Variants in WDR64 observed in about 807,000 individuals in gnomAD.
WDR64 encodes the protein WD repeat-containing protein 64.
In WDR64, 112 loss-of-function variants were observed where a neutral mutation model predicts 139.3. The observed-to-expected ratio is 0.80, with a 90% confidence interval of 0.69 to 0.94. The LOEUF is 0.94. Ranked by LOEUF, WDR64 falls within the 40% of genes least tolerant of loss-of-function variation. WDR64 has a pLI of 0.00. For missense variants in WDR64, 1,206 were observed against 1,293.1 expected (o/e 0.93, Z 1.03); for synonymous variants, 444 against 437.7 (o/e 1.01, Z -0.18).
intron 8 of WDR64, among the ~76,000 whole-genome samples, chr1:241,705,728 C>G (rs1465400454): frequency 2.0e-5 from 3 of 152,058 alleles, no homozygotes; most frequent in Non-Finnish European, 4.4e-5. Context: ...GCTGCAGATA[C>G]AGATGTGTGC....
chr1:241,690,427 C>T (rs989209511), intron 8 of WDR64, among the ~76,000 whole-genome samples: 4 of 151,760 alleles, frequency 2.6e-5, no homozygotes, highest in Non-Finnish European at 4.4e-5. Context: ...GCCGAGATCA[C>T]ACCACTGCAC....
At position 241,751,859 on chromosome 1, in the gene WDR64, C is replaced by G. The variant is rs76431572; in HGVS notation, c.1770+2137C>G. Among the ~76,000 whole-genome samples the G allele has an allele frequency of 1.4e-3, 212 of 152,270 alleles. 5 individuals are homozygous for G. In the East Asian group the frequency reaches 0.029, roughly 21 times the overall value. On this transcript the variant is annotated intron_variant, in intron 14 of 27. Transcript: ENST00000437684. ...AGAAAACAACAATTCTTCTCATAAT[C>G]TCAGTTTTAAGGGGATAGAATTGCA...
chr1:241,674,157 A>G (rs773855788), intron 3 of WDR64, among the ~76,000 whole-genome samples: 2 of 152,152 alleles, frequency 1.3e-5, no homozygotes, highest in African/African-American at 2.4e-5. Flanking sequence ...GAGGATCATT[A>G]AAACACAATG....
chr1:241,664,174 C>G (rs750814902), intron 2 of WDR64, among the ~76,000 whole-genome samples: 7 of 152,160 alleles, frequency 4.6e-5, no homozygotes, highest in Non-Finnish European at 1.0e-4. Context: ...GTAAACCCTG[C>G]GGATATTCCC....
chr1:241,756,160 C>A (rs1390797859), intron 14 of WDR64, among the ~76,000 whole-genome samples: 4 of 152,066 alleles, frequency 2.6e-5, no homozygotes, highest in South Asian at 2.1e-4. Context: ...GTTAGTATGG[C>A]CATTTTCACG....
At chr1:241,701,192 A>G (rs1004938142) in intron 8 of WDR64, among the ~76,000 whole-genome samples, 4 of 152,234 alleles carry the variant, frequency 2.6e-5, no homozygotes, top group Admixed American at 2.0e-4. Flanking sequence ...TCAAGAGCAA[A>G]GTTGAGTTAC....
intron 20 of WDR64, among the ~76,000 whole-genome samples, chr1:241,774,038 G>T (rs1658559789): frequency 6.6e-6 from 1 of 152,120 alleles, no homozygotes; most frequent in Non-Finnish European, 1.5e-5. Context: ...TTTACCAGAA[G>T]ATTTAAAATG....
rs141018853 is a variant in WDR64, at chr1:241,796,814, A to C, written c.3192+444A>C. On this transcript the variant is annotated intron_variant, in intron 27 of 27. Transcript: ENST00000437684. ...CGGCCTCAGTTCATATTTTTTATGA[A>C]TATTCCAGATGTGTGTGTTTTAGCT... 1.5e-3 allele frequency among the ~76,000 whole-genome samples: 233 copies of C among 152,316 alleles called. 1 individual carries two copies. Among genetic ancestry groups the C allele is most frequent in the African/African-American group, 4.6e-3 (191 of 41,580 alleles).
intron 11 of WDR64, among the ~76,000 whole-genome samples, chr1:241,738,844 T>C (rs1232158636): frequency 6.6e-6 from 1 of 152,226 alleles, no homozygotes; most frequent in Non-Finnish European, 1.5e-5. Context: ...TTCTTGGACC[T>C]AGGAAGAAAT....
At chr1:241,653,951 T>G (rs1335963341) in intron 1 of WDR64, among the ~76,000 whole-genome samples, 1 of 152,172 alleles carries the variant, frequency 6.6e-6, no homozygotes, top group African/African-American at 2.4e-5. Flanking sequence ...CAACAAAACT[T>G]GCATTTTTTC....
At chr1:241,709,031 A>T (rs1668068774) in intron 8 of WDR64, among the ~76,000 whole-genome samples, 2 of 152,192 alleles carry the variant, frequency 1.3e-5, no homozygotes, top group Non-Finnish European at 2.9e-5. Flanking sequence ...AAAGCTACAT[A>T]TGACCCATGG....
intron 8 of WDR64, among the ~76,000 whole-genome samples, chr1:241,690,813 G>A (rs1397687997): frequency 6.6e-6 from 1 of 152,060 alleles, no homozygotes; most frequent in Non-Finnish European, 1.5e-5. Context: ...AACAGCATCA[G>A]AGGAAGAAAA....
chr1:241,747,863 A>C (rs1001645158), intron 13 of WDR64, among the ~76,000 whole-genome samples: 22 of 152,192 alleles, frequency 1.4e-4, no homozygotes, highest in Non-Finnish European at 5.9e-5. Flanking sequence ...ATGAGAAGGA[A>C]ATTGGGCTGG....
At chr1:241,700,936 C>T (rs1667686785) in intron 8 of WDR64, among the ~76,000 whole-genome samples, 1 of 152,074 alleles carries the variant, frequency 6.6e-6, no homozygotes, top group East Asian at 1.9e-4. Context: ...TAATAAATAC[C>T]CCAACACCAG....
chr1:241,735,334 T>C (rs7541746), intron 10 of WDR64, among the ~76,000 whole-genome samples: 1,519 of 93,072 alleles, frequency 0.016, 28 homozygotes, highest in African/African-American at 0.058. Context: ...TTCTACACTT[T>C]GTGTCTTTGT....
intron 8 of WDR64, among the ~76,000 whole-genome samples, chr1:241,710,721 T>C (rs1288286927): frequency 1.3e-5 from 2 of 151,728 alleles, no homozygotes; most frequent in African/African-American, 4.8e-5. Flanking sequence ...ATAGCTGGAG[T>C]AGAATCCAGC....
At position 241,729,019 on chromosome 1, in the gene WDR64, T is replaced by C. The variant is rs548530103; in HGVS notation, c.1194+5583T>C. Among the ~76,000 whole-genome samples, 23 of 152,330 alleles carry C rather than the reference T, an allele frequency of 1.5e-4. No homozygotes were observed. In the South Asian group the frequency reaches 4.8e-3, roughly 32 times the overall value. On this transcript the variant is annotated intron_variant, in intron 10 of 27. Transcript: ENST00000437684. ...AGTTATCTTTAAAAAAAATTCTGCC[T>C]ACCTAAAACTGAATTTATTTTCTAC...
In WDR64 at chr1:241,741,663, G is replaced by C. The variant is rs745488326; in HGVS notation, c.1469G>C (p.Arg490Thr). 9.4e-6 allele frequency: 15 copies of C among 1,598,034 alleles called. No individual in the cohort carries two copies. In the South Asian group the frequency reaches 1.7e-4, roughly 18 times the overall value. Residue 490 changes from arginine (R) to threonine (T), a missense_variant and splice_region_variant, in exon 12 of 28, where the codon AGG becomes ACG. Physicochemically the swap from Arg to Thr is moderately conservative, Grantham distance 71. Coordinates refer to ENST00000437684, the MANE Select transcript of WDR64 (RefSeq NM_001367482.1). ...ACTATCTGCTCTGAATCCATAATTA[G>C]GGTAAGTACCTATTGGCTTTTCAAA... ...VLTICSESII[R>T]VWELETGLQV...
At chr1:241,800,646 C>A (rs1659496166) in intron 27 of WDR64, among the ~76,000 whole-genome samples, 2 of 152,014 alleles carry the variant, frequency 1.3e-5, no homozygotes, top group Admixed American at 6.6e-5. Context: ...GACCCTGTCT[C>A]AAAACAAAGC....
Sources: allele counts gnomAD v4.1 joint callset (sites outside exome capture counted in the v4.1 genomes callset), GRCh38; gene constraint gnomAD v4.1.1; transcripts MANE v1.5; gene names NCBI Gene and HGNC (gene_info 2026-07-23, HGNC 2026-07-21).